RIMS2: variants seen among roughly 807,000 people sequenced by gnomAD.
RIMS2 encodes regulating synaptic membrane exocytosis 2, also known as regulating synaptic membrane exocytosis protein 2.
In RIMS2, 59 loss-of-function variants were observed where a neutral mutation model predicts 174.4. The ratio of observed to expected loss-of-function variants is 0.34; its 90% CI spans 0.27 to 0.42. The LOEUF (loss-of-function observed/expected upper bound fraction) is 0.42. RIMS2 is among the 10% of genes least tolerant of loss of function. The pLI is 1.00. For synonymous variants in RIMS2, 606 were observed against 572.5 expected (o/e 1.06, Z -0.84); for missense variants, 1,620 against 1,666.3 (o/e 0.97, Z 0.48).
chr8:103,551,516 A>G (rs1454176261), intron 1 of RIMS2, among the ~76,000 whole-genome samples: 1 of 152,226 alleles, frequency 6.6e-6, no homozygotes, highest in African/African-American at 2.4e-5. Flanking sequence ...AAAAACTGGA[A>G]GCATTCCCTT....
intron 3 of RIMS2, among the ~76,000 whole-genome samples, chr8:103,799,793 C>T (rs1258841634): frequency 6.6e-6 from 1 of 152,032 alleles, no homozygotes; most frequent in African/African-American, 2.4e-5. Context: ...AAATTAGCTC[C>T]ACATCATTTT....
At chr8:103,680,356 T>A (rs2096864732) in intron 1 of RIMS2, among the ~76,000 whole-genome samples, 1 of 152,000 alleles carries the variant, frequency 6.6e-6, no homozygotes, top group South Asian at 2.1e-4. Flanking sequence ...AATCCCTGCA[T>A]CACAGCACAT....
At chr8:103,983,729 C>A (rs950355063) in intron 16 of RIMS2, among the ~76,000 whole-genome samples, 4 of 152,076 alleles carry the variant, frequency 2.6e-5, no homozygotes, top group African/African-American at 7.2e-5. Flanking sequence ...CTATCTCTTG[C>A]CATATACAAA....
intron 3 of RIMS2, among the ~76,000 whole-genome samples, chr8:103,835,088 T>TTTTTC (rs1320370075): frequency 6.8e-6 from 1 of 147,498 alleles, no homozygotes; most frequent in Non-Finnish European, 1.5e-5. Context: ...GAGTTTTCTT[T>TTTTTC]TTTTCTTTTC....
At chr8:103,707,329 G>C (rs531725911) in intron 2 of RIMS2, among the ~76,000 whole-genome samples, 26 of 152,264 alleles carry the variant, frequency 1.7e-4, no homozygotes, top group African/African-American at 6.3e-4. Context: ...CTTGATGCTT[G>C]TGTATGTTTG....
intron 19 of RIMS2, among the ~76,000 whole-genome samples, chr8:104,184,783 A>C (rs1302665563): frequency 6.6e-6 from 1 of 151,606 alleles, no homozygotes; most frequent in East Asian, 1.9e-4. Context: ...TTTGTAAATC[A>C]AAGATTTTTA....
chr8:104,093,908 A>G (rs1276540335), intron 19 of RIMS2, among the ~76,000 whole-genome samples: 1 of 152,042 alleles, frequency 6.6e-6, no homozygotes, highest in Non-Finnish European at 1.5e-5. Flanking sequence ...TAATTTAAAA[A>G]TTAAGACCTC....
chr8:103,683,010 A>G (rs1244528693), intron 1 of RIMS2, among the ~76,000 whole-genome samples: 1 of 152,168 alleles, frequency 6.6e-6, no homozygotes, highest in Admixed American at 6.6e-5. Context: ...TGTGTGTGAG[A>G]AATGCGGCTT....
At chr8:103,880,445 C>G (rs1028508658) in intron 3 of RIMS2, 1 of 361,612 alleles carries the variant, frequency 2.8e-6, no homozygotes, top group African/African-American at 2.1e-5. Context: ...ACAGGCCCAT[C>G]ACTAGAGGAT....
chr8:103,708,043 C>T (rs967604022), intron 2 of RIMS2, among the ~76,000 whole-genome samples: 4 of 152,146 alleles, frequency 2.6e-5, no homozygotes, highest in Admixed American at 6.6e-5. Context: ...TGCCTGAAGT[C>T]GGGAGAGGAG....
intron 4 of RIMS2, among the ~76,000 whole-genome samples, chr8:103,902,871 C>G (rs1266578509): frequency 6.6e-6 from 1 of 152,022 alleles, no homozygotes; most frequent in Non-Finnish European, 1.5e-5. Flanking sequence ...TTAGAGTTTT[C>G]CAAAGTTATT....
At chr8:103,915,563 T>C (rs2076493917) in exon 7 of RIMS2, 1 of 1,602,602 alleles carries the variant, frequency 6.2e-7, no homozygotes, top group Admixed American at 1.7e-5. Flanking sequence ...AAAAAGGAAG[T>C]TTAGCTGATA....
At chr8:103,769,050 G>A (rs964457290) in intron 3 of RIMS2, 10 of 297,936 alleles carry the variant, frequency 3.4e-5, no homozygotes, top group African/African-American at 6.8e-5. Context: ...ATAACAAATC[G>A]ATAAGATCAG....
chr8:103,567,431 G>T (rs2449914), intron 1 of RIMS2, among the ~76,000 whole-genome samples: 116,787 of 151,988 alleles, frequency 0.77, 45,046 homozygotes, highest in East Asian at 0.88. Flanking sequence ...TGTAATTTTT[G>T]TGTGTGTCTG....
At chr8:103,685,317 G>A (rs6993909) in intron 1 of RIMS2, among the ~76,000 whole-genome samples, 26,890 of 151,964 alleles carry the variant, frequency 0.18, 2,591 homozygotes, top group African/African-American at 0.24. Flanking sequence ...CATGTCACAT[G>A]GCAAGAGAGG....
intron 19 of RIMS2, among the ~76,000 whole-genome samples, chr8:104,076,447 A>G (rs1019216921): frequency 6.6e-6 from 1 of 152,196 alleles, no homozygotes; most frequent in African/African-American, 2.4e-5. Context: ...TGAGATAAGT[A>G]AAAGAAGGGG....
At chr8:103,538,233 T>C (rs1206627456) in intron 1 of RIMS2, among the ~76,000 whole-genome samples, 2 of 152,242 alleles carry the variant, frequency 1.3e-5, no homozygotes, top group African/African-American at 4.8e-5. Flanking sequence ...TGCTTTTCTT[T>C]CTGTTTCTTC....
chr8:103,549,345 C>G (rs977181798), intron 1 of RIMS2, among the ~76,000 whole-genome samples: 23 of 152,230 alleles, frequency 1.5e-4, no homozygotes, highest in African/African-American at 5.1e-4. Context: ...AATTTTCAAC[C>G]CAGAATTTCA....
intron 19 of RIMS2, among the ~76,000 whole-genome samples, chr8:104,114,606 A>C (rs1339589961): frequency 1.3e-5 from 2 of 151,934 alleles, no homozygotes; most frequent in Admixed American, 1.3e-4. Context: ...ACCCATTAGA[A>C]ATTTGTTCGT....
Sources: allele counts gnomAD v4.1 joint callset (sites outside exome capture counted in the v4.1 genomes callset), GRCh38; gene constraint gnomAD v4.1.1; transcripts MANE v1.5; gene names NCBI Gene and HGNC (gene_info 2026-07-23, HGNC 2026-07-21).